SEMA3A: variants seen among roughly 807,000 people sequenced by gnomAD.
SEMA3A encodes the protein semaphorin-3A.
SEMA3A carries 29 observed loss-of-function variants against 97.9 expected under a neutral mutation model. That is an observed-to-expected ratio of 0.30 (90% confidence interval 0.22 to 0.40). The LOEUF (loss-of-function observed/expected upper bound fraction) is 0.40, where lower values mean the gene tolerates loss of function less well. Among genes scored for constraint, SEMA3A ranks in the 10% least tolerant of loss-of-function variants. The pLI is 1.00. For missense variants in SEMA3A, 763 were observed against 951.3 expected (o/e 0.80, Z 2.60); for synonymous variants, 321 against 323.7 (o/e 0.99, Z 0.09).
intron 1 of SEMA3A, among the ~76,000 whole-genome samples, chr7:84,475,549 C>T (rs1806261188): frequency 6.6e-6 from 1 of 152,172 alleles, no homozygotes; most frequent in Non-Finnish European, 1.5e-5. Context: ...AAAATATGAT[C>T]ACAAAATGAA....
At chr7:84,058,098 A>G (rs1017999723) in intron 5 of SEMA3A, among the ~76,000 whole-genome samples, 18 of 151,236 alleles carry the variant, frequency 1.2e-4, no homozygotes, top group Non-Finnish European at 4.4e-5. Flanking sequence ...TTGGTGGTAT[A>G]AAAAATATTT....
At chr7:84,133,415 CA>C in intron 2 of SEMA3A, among the ~76,000 whole-genome samples, 1 of 152,128 alleles carries the variant, frequency 6.6e-6, no homozygotes, top group Non-Finnish European at 1.5e-5. Context: ...ATCCCAAAAG[CA>C]ACCCTCTCCA....
At chr7:83,968,954 G>A (rs1788821864) in intron 15 of SEMA3A, among the ~76,000 whole-genome samples, 1 of 151,640 alleles carries the variant, frequency 6.6e-6, no homozygotes, top group African/African-American at 2.4e-5. Flanking sequence ...GGGATTACAG[G>A]TGCCTGCCAC....
At chr7:84,013,753 G>A (rs896397263) in intron 7 of SEMA3A, among the ~76,000 whole-genome samples, 1 of 151,980 alleles carries the variant, frequency 6.6e-6, no homozygotes, top group African/African-American at 2.4e-5. Flanking sequence ...AGGCTGAAGC[G>A]GGAGAATCAC....
chr7:84,010,049 A>C (rs1254277586), intron 9 of SEMA3A, among the ~76,000 whole-genome samples: 2 of 151,950 alleles, frequency 1.3e-5, no homozygotes, highest in African/African-American at 4.8e-5. Context: ...TAGTGCTGTA[A>C]TGCTGAAGGT....
intron 3 of SEMA3A, among the ~76,000 whole-genome samples, chr7:84,243,082 T>G (rs1799403068): frequency 6.6e-6 from 1 of 152,236 alleles, no homozygotes; most frequent in South Asian, 2.1e-4. Context: ...ATATCGATGT[T>G]CATCAGGGAT....
intron 4 of SEMA3A, among the ~76,000 whole-genome samples, chr7:84,073,971 T>C (rs1289698685): frequency 6.6e-6 from 1 of 152,102 alleles, no homozygotes; most frequent in Non-Finnish European, 1.5e-5. Flanking sequence ...CAAAGGTCTT[T>C]CCATTTCTAA....
chr7:84,448,462 A>G (rs888050404), intron 1 of SEMA3A, among the ~76,000 whole-genome samples: 18 of 152,176 alleles, frequency 1.2e-4, no homozygotes, highest in Admixed American at 3.3e-4. Context: ...GGATACAAAG[A>G]CAACACTTTA....
intron 3 of SEMA3A, among the ~76,000 whole-genome samples, chr7:84,238,135 T>C (rs972187809): frequency 2.0e-5 from 3 of 152,076 alleles, no homozygotes; most frequent in Admixed American, 6.6e-5. Flanking sequence ...AGTGTGATCT[T>C]GGCTCACAGC....
chr7:84,183,927 T>G (rs35192141), intron 1 of SEMA3A, among the ~76,000 whole-genome samples: 9,656 of 152,242 alleles, frequency 0.063, 356 homozygotes, highest in African/African-American at 0.094. Flanking sequence ...ATGAAAGAAA[T>G]AAATTACTAT....
Position 83,980,623 on chromosome 7 carries a change from A to AAAAAAAAAAAAAAAT in SEMA3A, c.1652+697_1652+698insATTTTTTTTTTTTTT, listed in dbSNP as rs1310318006. On this transcript the variant is annotated intron_variant, in intron 14 of 16. Coordinates refer to ENST00000265362, the MANE Select transcript of SEMA3A (RefSeq NM_006080.3). ...CATCTCAAAAAAAAAAAAAAAAAAAAATATATATATATATATACACACACA... is the reference window on the plus strand; with the variant it reads ...CATCTCAAAAAAAAAAAAAAAAAAAAAAAAAAAAAAAAAATATATATATATATATATACACACACA... 2.8e-4 allele frequency among the ~76,000 whole-genome samples: 20 copies of AAAAAAAAAAAAAAAT among 71,754 alleles called. 1 individual carries two copies. Among genetic ancestry groups the AAAAAAAAAAAAAAAT allele is most frequent in the African/African-American group, 1.6e-3 (19 of 12,034 alleles). 47.1% of individuals were successfully genotyped at this position (71,754 alleles called of 152,430 possible).
intron 2 of SEMA3A, among the ~76,000 whole-genome samples, chr7:84,345,942 C>G (rs531615991): frequency 5.9e-5 from 9 of 152,308 alleles, no homozygotes; most frequent in African/African-American, 2.2e-4. Flanking sequence ...TATTAAAGTC[C>G]TAGGCATCTT....
chr7:84,313,328 A>T (rs1489133320), intron 2 of SEMA3A, among the ~76,000 whole-genome samples: 3 of 129,018 alleles, frequency 2.3e-5, no homozygotes, highest in Non-Finnish European at 4.8e-5. Flanking sequence ...TGTATATAAT[A>T]CATATATATA....
At chr7:84,103,655 C>A (rs1795023118) in intron 4 of SEMA3A, among the ~76,000 whole-genome samples, 1 of 151,890 alleles carries the variant, frequency 6.6e-6, no homozygotes, top group South Asian at 2.1e-4. Context: ...TTCTCATCTG[C>A]AGATTCAAGT....
chr7:84,037,688 T>C (rs1383626091), intron 6 of SEMA3A, among the ~76,000 whole-genome samples: 1 of 152,062 alleles, frequency 6.6e-6, no homozygotes, highest in African/African-American at 2.4e-5. Flanking sequence ...ACTGCACCCA[T>C]ATTAATTTAT....
chr7:84,333,823 G>T (rs189252769), intron 2 of SEMA3A, among the ~76,000 whole-genome samples: 20 of 152,016 alleles, frequency 1.3e-4, no homozygotes, highest in Admixed American at 1.2e-3. Context: ...TAAGCCTTGG[G>T]GCATCAGGGA....
At chr7:84,207,879 C>T (rs999139514) in intron 3 of SEMA3A, among the ~76,000 whole-genome samples, 2 of 151,972 alleles carry the variant, frequency 1.3e-5, no homozygotes, top group East Asian at 3.9e-4. Flanking sequence ...GAATGAGGAC[C>T]CTAAAACAGT....
At chr7:84,362,109 C>T (rs1802739384) in intron 2 of SEMA3A, among the ~76,000 whole-genome samples, 1 of 151,846 alleles carries the variant, frequency 6.6e-6, no homozygotes, top group African/African-American at 2.4e-5. Flanking sequence ...TCCTTCATGA[C>T]TAAATAATTG....
chr7:84,153,381 T>C (rs1050323437), intron 1 of SEMA3A, among the ~76,000 whole-genome samples: 9 of 152,180 alleles, frequency 5.9e-5, no homozygotes, highest in Admixed American at 2.0e-4. Flanking sequence ...AGTTCACTTA[T>C]AACATTCAGA....
Sources: allele counts gnomAD v4.1 joint callset (sites outside exome capture counted in the v4.1 genomes callset), GRCh38; gene constraint gnomAD v4.1.1; transcripts MANE v1.5; gene names NCBI Gene and HGNC (gene_info 2026-07-23, HGNC 2026-07-21).